The following ADAMTS20 variants were observed in gnomAD, a reference collection of about 807,000 sequenced individuals.
ADAMTS20 encodes ADAM metallopeptidase with thrombospondin type 1 motif 20.
ADAMTS20 carries 225 observed loss-of-function variants against 260.1 expected under a neutral mutation model. The observed-to-expected ratio is 0.87, with a 90% confidence interval of 0.78 to 0.97. ADAMTS20 has a LOEUF of 0.97. Ranked by LOEUF, ADAMTS20 falls within the 50% of genes least tolerant of loss-of-function variation. The pLI, the probability that ADAMTS20 is intolerant of heterozygous loss-of-function variation, is 0.00. For missense variants in ADAMTS20, 2,400 were observed against 2,337.7 expected (o/e 1.03, Z -0.55); for synonymous variants, 802 against 769.5 (o/e 1.04, Z -0.70).
intron 2 of ADAMTS20, among the ~76,000 whole-genome samples, chr12:43,540,656 G>T (rs1212775857): frequency 2.0e-5 from 3 of 151,702 alleles, no homozygotes; most frequent in East Asian, 3.9e-4. Context: ...AAAACAGGTG[G>T]TTCATAGAAT....
At chr12:43,539,101 T>A (rs1380081086) in intron 2 of ADAMTS20, among the ~76,000 whole-genome samples, 2 of 151,900 alleles carry the variant, frequency 1.3e-5, no homozygotes, top group Non-Finnish European at 2.9e-5. Flanking sequence ...TACAGGCACC[T>A]GCCACCGCGC....
intron 14 of ADAMTS20, among the ~76,000 whole-genome samples, chr12:43,450,700 T>G (rs1187575515): frequency 6.7e-6 from 1 of 148,258 alleles, no homozygotes; most frequent in Non-Finnish European, 1.5e-5. Context: ...AATAAGTTCA[T>G]AACTTATACT....
chr12:43,470,720 C>T (rs1034848129), intron 7 of ADAMTS20, among the ~76,000 whole-genome samples: 14 of 152,128 alleles, frequency 9.2e-5, no homozygotes, highest in African/African-American at 3.4e-4. Context: ...TGGTCAGGGA[C>T]TGAGGCAACA....
Position 43,456,903 on chromosome 12 carries a change from A to G in ADAMTS20, c.1615-2851T>C, listed in dbSNP as rs570097624. 2.0e-5 allele frequency among the ~76,000 whole-genome samples: 3 copies of G among 152,336 alleles called. No homozygotes were observed. In the East Asian group the frequency reaches 5.8e-4, roughly 29 times the overall value. ...GTAACCAGGGGAACAGATATGAATT[A>G]CTGATTAGGAATGGCAGGAAAGTTG... On this transcript the variant is annotated intron_variant, in intron 11 of 38. Coordinates refer to ENST00000389420, the MANE Select transcript of ADAMTS20 (RefSeq NM_025003.5).
At chr12:43,505,298 C>G (rs953191650) in intron 3 of ADAMTS20, among the ~76,000 whole-genome samples, 8 of 152,098 alleles carry the variant, frequency 5.3e-5, no homozygotes, top group Non-Finnish European at 1.2e-4. Context: ...GGGACTACAT[C>G]AAACTTAAAA....
At chr12:43,438,159 C>A (rs1471085683) in intron 18 of ADAMTS20, among the ~76,000 whole-genome samples, 4 of 152,164 alleles carry the variant, frequency 2.6e-5, no homozygotes, top group African/African-American at 7.2e-5. Flanking sequence ...AGAGAACTCT[C>A]CTGCTTTGGA....
chr12:43,440,896 C>G (rs1172308256), intron 16 of ADAMTS20, among the ~76,000 whole-genome samples: 1 of 152,082 alleles, frequency 6.6e-6, no homozygotes. Context: ...AACCCCGTCT[C>G]TAGTAAAAAT....
chr12:43,449,827 C>A (rs1237033345), intron 14 of ADAMTS20, among the ~76,000 whole-genome samples: 1 of 152,044 alleles, frequency 6.6e-6, no homozygotes, highest in Non-Finnish European at 1.5e-5. Flanking sequence ...AAGGGTCATC[C>A]ACAGACCTCC....
At position 43,524,902 on chromosome 12, in the gene ADAMTS20, G is replaced by A. The variant is rs1943120804; in HGVS notation, c.613+7134C>T. Among the ~76,000 whole-genome samples the A allele has an allele frequency of 2.6e-5, 4 of 152,170 alleles. No homozygotes were observed. The South Asian group carries it at 8.3e-4, about 32-fold the overall frequency. On this transcript the variant is annotated intron_variant, in intron 3 of 38. Transcript: ENST00000389420. ...GATTAGGTAAAATAGCCAAACCTAAGAATAAATGGTGTTTATGAGTGGGAA... is the reference window on the plus strand; with the variant it reads ...GATTAGGTAAAATAGCCAAACCTAAAAATAAATGGTGTTTATGAGTGGGAA...
chr12:43,440,624 G>A (rs926181516), intron 16 of ADAMTS20, among the ~76,000 whole-genome samples: 13 of 152,100 alleles, frequency 8.5e-5, no homozygotes, highest in Non-Finnish European at 1.3e-4. Flanking sequence ...TTCTATCTCA[G>A]ATGGTCATCT....
intron 28 of ADAMTS20, among the ~76,000 whole-genome samples, chr12:43,412,137 A>C (rs1941043543): frequency 6.6e-6 from 1 of 152,220 alleles, no homozygotes; most frequent in Non-Finnish European, 1.5e-5. Flanking sequence ...AAACCACAGG[A>C]GCAAACTTGT....
At chr12:43,494,932 A>G (rs1384260129) in intron 4 of ADAMTS20, among the ~76,000 whole-genome samples, 3 of 152,216 alleles carry the variant, frequency 2.0e-5, no homozygotes, top group African/African-American at 7.2e-5. Flanking sequence ...CTATAAATGA[A>G]AAACAGCTGT....
intron 3 of ADAMTS20, among the ~76,000 whole-genome samples, chr12:43,523,482 G>T (rs1038420215): frequency 6.6e-6 from 1 of 152,180 alleles, no homozygotes; most frequent in Non-Finnish European, 1.5e-5. Flanking sequence ...CAAGTGGAAA[G>T]AGTGCAGGAG....
At chr12:43,438,114 A>G (rs1941591786) in intron 18 of ADAMTS20, among the ~76,000 whole-genome samples, 3 of 152,196 alleles carry the variant, frequency 2.0e-5, no homozygotes, top group Admixed American at 1.3e-4. Flanking sequence ...GGTAAAAGAA[A>G]TAATAGTTGC....
intron 37 of ADAMTS20, among the ~76,000 whole-genome samples, chr12:43,364,708 C>T (rs1939945937): frequency 6.6e-6 from 1 of 151,790 alleles, no homozygotes; most frequent in Non-Finnish European, 1.5e-5. Context: ...ATGAATAGGG[C>T]CTCAGAGGAA....
chr12:43,544,603 A>G (rs909929431), intron 2 of ADAMTS20, among the ~76,000 whole-genome samples: 1 of 152,220 alleles, frequency 6.6e-6, no homozygotes, highest in South Asian at 2.1e-4. Context: ...AGGCAGCTCA[A>G]AATGGATCAG....
In ADAMTS20 at chr12:43,354,629, T is replaced by C. The variant is rs1192753443; in HGVS notation, c.5644-331A>G. ...TCATCTAGGTATGTATTTGCTTCAG[T>C]GAGTTTATTAAAACCTCTCCCAATT... On this transcript the variant is annotated intron_variant, in intron 38 of 38. Transcript: ENST00000389420. Among the ~76,000 whole-genome samples, 8 of 152,288 alleles carry C rather than the reference T, an allele frequency of 5.3e-5. No individual in the cohort carries two copies. In the East Asian group the frequency reaches 1.4e-3, roughly 26 times the overall value.
chr12:43,499,298 A>G (rs1264258393), intron 4 of ADAMTS20, among the ~76,000 whole-genome samples: 1 of 152,140 alleles, frequency 6.6e-6, no homozygotes, highest in Non-Finnish European at 1.5e-5. Context: ...ACTAGGCCTA[A>G]AAATCCAGAA....
intron 31 of ADAMTS20, among the ~76,000 whole-genome samples, chr12:43,382,014 A>G (rs937079803): frequency 6.6e-6 from 1 of 152,096 alleles, no homozygotes; most frequent in Non-Finnish European, 1.5e-5. Flanking sequence ...GGAGAGAGAA[A>G]TAGGAACCTT....
Sources: allele counts gnomAD v4.1 joint callset (sites outside exome capture counted in the v4.1 genomes callset), GRCh38; gene constraint gnomAD v4.1.1; transcripts MANE v1.5; gene names NCBI Gene and HGNC (gene_info 2026-07-23, HGNC 2026-07-21).